Variants in ALDH1L1 observed in about 807,000 individuals in gnomAD.
The protein encoded by ALDH1L1 is cytosolic 10-formyltetrahydrofolate dehydrogenase.
A neutral mutation model predicts 101.1 loss-of-function variants in ALDH1L1; 68 were observed. That is an observed-to-expected ratio of 0.67 (90% CI 0.55 to 0.82). ALDH1L1 has a LOEUF of 0.82. ALDH1L1 is among the 40% of genes least tolerant of loss of function. ALDH1L1 has a pLI of 0.00. For missense variants in ALDH1L1, 1,087 were observed against 1,172.7 expected (o/e 0.93, Z 1.07); for synonymous variants, 486 against 470.8 (o/e 1.03, Z -0.42).
intron 1 of ALDH1L1, among the ~76,000 whole-genome samples, chr3:126,197,574 T>C (rs1017141748): frequency 6.6e-6 from 1 of 152,144 alleles, no homozygotes; most frequent in African/African-American, 2.4e-5. Context: ...CCAGTCCAGT[T>C]TCTGTCATGA....
At chr3:126,183,611 C>T (rs1339366083), upstream of ALDH1L1, among the ~76,000 whole-genome samples, 1 of 152,196 alleles carries the variant, frequency 6.6e-6, no homozygotes, top group South Asian at 2.1e-4. Context: ...TTAGAATTGC[C>T]GTACACTAGT....
chr3:126,195,272 T>C (rs570841284), intron 1 of ALDH1L1, among the ~76,000 whole-genome samples: 1 of 152,336 alleles, frequency 6.6e-6, no homozygotes, highest in East Asian at 1.9e-4. Context: ...TAAAGCTGTT[T>C]TTATTTCCCA....
chr3:126,105,346 G>A (rs908598720), intron 22 of ALDH1L1: 64 of 343,398 alleles, frequency 1.9e-4, no homozygotes, highest in Non-Finnish European at 3.3e-4. Context: ...GCAGCTCCAC[G>A]ACCAAAGCTG....
intron 9 of ALDH1L1, among the ~76,000 whole-genome samples, chr3:126,140,950 T>C (rs982346194): frequency 1.3e-5 from 2 of 151,950 alleles, no homozygotes; most frequent in African/African-American, 2.4e-5. Context: ...TAAATGTAAA[T>C]GGATTAAACT....
chr3:126,113,798 C>G (rs1559918388), intron 18 of ALDH1L1, among the ~76,000 whole-genome samples: 1 of 152,240 alleles, frequency 6.6e-6, no homozygotes, highest in Non-Finnish European at 1.5e-5. Flanking sequence ...GGAGTCAGGA[C>G]AGGACCAAGG....
Position 126,121,510 on chromosome 3 carries a change from T to C in ALDH1L1, c.1888+2854A>G, listed in dbSNP as rs898253191. 3.9e-5 allele frequency among the ~76,000 whole-genome samples: 6 copies of C among 152,276 alleles called. No homozygotes were observed. The South Asian group carries it at 1.2e-3, about 32-fold the overall frequency. ...ATGATATTTAAGAGTAATAAAAACA[T>C]GAACACAACCTGCTCAAAAGGCATG... On this transcript the variant is annotated intron_variant, in intron 16 of 22. Transcript: ENST00000393434.
At chr3:126,125,874 C>T (rs1253632047) in intron 14 of ALDH1L1, among the ~76,000 whole-genome samples, 153 bp from the exon 15 acceptor site, 3 of 152,214 alleles carry the variant, frequency 2.0e-5, no homozygotes, top group Non-Finnish European at 2.9e-5. Context: ...AGGCAGCTCA[C>T]GCCTGCTGTT....
chr3:126,109,460 G>A (rs62263529), intron 20 of ALDH1L1, among the ~76,000 whole-genome samples: 37,979 of 151,922 alleles, frequency 0.25, 5,089 homozygotes, highest in African/African-American at 0.35. Context: ...TCTGGGTGGG[G>A]TGGAGCCTGG....
rs373106020 is a variant in ALDH1L1 at position 126,104,162 on chromosome 3, C to T, written c.2654-316G>A. ...GGGTGGAGAGACTTGGCGTTACTGCCCAGACTCACTGGCCCATCTCTTCTC... is the reference window on the plus strand; with the variant it reads ...GGGTGGAGAGACTTGGCGTTACTGCTCAGACTCACTGGCCCATCTCTTCTC... On this transcript the variant is annotated intron_variant, in intron 22 of 22. Transcript: ENST00000393434. 10 of 434,220 alleles carry T rather than the reference C, an allele frequency of 2.3e-5. 1 individual carries two copies. Among genetic ancestry groups the T allele is most frequent in the South Asian group, 2.2e-4 (7 of 32,504 alleles). 26.9% of individuals were successfully genotyped at this position (434,220 alleles called of 1,614,324 possible).
rs375189929 is a variant in ALDH1L1 at position 126,139,218 on chromosome 3, T to C, written c.1077-1258A>G. On this transcript the variant is annotated intron_variant, in intron 9 of 22. Transcript: ENST00000393434. ...ACAGGCTGAAGTAGCTTCTAGGAGATTTTAAAAGGCAATACTTTCCCTCCA... is the reference window on the plus strand; with the variant it reads ...ACAGGCTGAAGTAGCTTCTAGGAGACTTTAAAAGGCAATACTTTCCCTCCA... Among the ~76,000 whole-genome samples, 6 of 152,238 alleles carry C rather than the reference T, an allele frequency of 3.9e-5. No homozygotes were observed. In the East Asian group the frequency reaches 9.7e-4, roughly 25 times the overall value.
upstream of ALDH1L1, chr3:126,181,367 T>G: frequency 3.2e-6 from 1 of 314,646 alleles, no homozygotes; most frequent in South Asian, 3.5e-5. Context: ...CTGCTAAGCC[T>G]CACTTCTTTT....
At chr3:126,109,283 C>T (rs1945995780) in intron 20 of ALDH1L1, among the ~76,000 whole-genome samples, 1 of 152,206 alleles carries the variant, frequency 6.6e-6, no homozygotes, top group Non-Finnish European at 1.5e-5. Context: ...CCCGTGGCTG[C>T]TGCGCTTCTG....
chr3:126,192,846 C>T (rs1309645119), intron 1 of ALDH1L1, among the ~76,000 whole-genome samples: 1 of 152,184 alleles, frequency 6.6e-6, no homozygotes, highest in East Asian at 1.9e-4. Flanking sequence ...GTGAATCGGG[C>T]AGCCCCCAGA....
intron 5 of ALDH1L1, 90 bp from the exon 6 acceptor site, chr3:126,154,733 G>A (rs1393705710): frequency 2.0e-5 from 24 of 1,209,040 alleles, no homozygotes; most frequent in Non-Finnish European, 2.3e-5. Flanking sequence ...AAGCTCTTGT[G>A]AGACAGCTGG....
At chr3:126,110,160 A>G (rs773355120) in intron 19 of ALDH1L1, 51 bp from the exon 20 acceptor site, 3 of 1,603,788 alleles carry the variant, frequency 1.9e-6, no homozygotes, top group Non-Finnish European at 2.6e-6. Flanking sequence ...ACAGTTTCTG[A>G]CAATGATCCT....
At chr3:126,121,688 CA>C (rs1282996334) in intron 16 of ALDH1L1, among the ~76,000 whole-genome samples, 2 of 152,188 alleles carry the variant, frequency 1.3e-5, no homozygotes, top group African/African-American at 4.8e-5. Context: ...AAACATTCTT[CA>C]AGAAAATCTG....
chr3:126,112,841 T>G lies in ALDH1L1; in HGVS notation c.2122A>C (p.Ile708Leu), dbSNP rs779172865. 3 of 1,613,586 alleles carry G rather than the reference T, an allele frequency of 1.9e-6. No individual in the cohort carries two copies. The highest frequency in any genetic ancestry group is 2.5e-6 in the Non-Finnish European group (3 of 1,180,034). The change falls in exon 19 of 23, where the codon ATT becomes CTT. Residue 708 changes from isoleucine (I) to leucine (L), a missense_variant. This residue lies in a region of ALDH1L1 where 442 missense variants were observed against 535.7 expected (regional missense o/e 0.83). Coordinates refer to ENST00000393434, the MANE Select transcript of ALDH1L1 (RefSeq NM_012190.4). ...SVFFNKGENCIAAGRLFVEDS... is the reference protein window; with the variant it reads ...SVFFNKGENCLAAGRLFVEDS... The stretch of plus-strand genomic sequence containing the variant: ...TCCACAAAGAGTCGGCCTGCTGCAA[T>G]GCAATTCTCTCCTTTGTTGAAGAAA...
intron 1 of ALDH1L1, among the ~76,000 whole-genome samples, chr3:126,195,789 A>T (rs2081578299): frequency 1.3e-5 from 2 of 152,250 alleles, no homozygotes; most frequent in Admixed American, 6.5e-5. Flanking sequence ...GCCATAAAAA[A>T]GGATGAGTTC....
chr3:126,179,460 A>C (rs62266681), intron 1 of ALDH1L1, among the ~76,000 whole-genome samples: 8,532 of 152,242 alleles, frequency 0.056, 300 homozygotes, highest in African/African-American at 0.086. Context: ...AGATCGTGCC[A>C]CTGCACTCCA....
Sources: gnomAD v4.1 joint callset for allele counts (sites outside exome capture counted in the v4.1 genomes callset) on GRCh38, gnomAD v4.1.1 for gene constraint, gnomAD v4.1.1 regional missense constraint, MANE v1.5 for transcripts, NCBI Gene and HGNC (gene_info 2026-07-23, HGNC 2026-07-21) for gene names.